Variants in ASIC2 observed in about 807,000 individuals in gnomAD.
ASIC2 encodes acid sensing ion channel subunit 2.
A neutral mutation model predicts 57.3 loss-of-function variants in ASIC2; 25 were observed. The ratio of observed to expected loss-of-function variants is 0.44; its 90% CI spans 0.32 to 0.61. The LOEUF (loss-of-function observed/expected upper bound fraction) is 0.61, where lower values mean the gene tolerates loss of function less well. Ranked by LOEUF, ASIC2 falls within the 20% of genes least tolerant of loss-of-function variation. ASIC2 has a pLI of 0.06. For missense variants in ASIC2, 641 were observed against 738.1 expected (o/e 0.87, Z 1.52); for synonymous variants, 319 against 307.5 (o/e 1.04, Z -0.39).
At chr17:33,140,891 C>T (rs576349110) in intron 1 of ASIC2, among the ~76,000 whole-genome samples, 13 of 152,350 alleles carry the variant, frequency 8.5e-5, no homozygotes, top group South Asian at 2.1e-4. Context: ...ACATTCCATC[C>T]GGGCCACAAG....
intron 1 of ASIC2, among the ~76,000 whole-genome samples, chr17:34,032,836 A>T (rs1301806908): frequency 3.3e-5 from 5 of 152,254 alleles, no homozygotes; most frequent in Non-Finnish European, 7.3e-5. Flanking sequence ...ATATGCGCCC[A>T]GTACAGGAGT....
chr17:33,296,350 C>T (rs1348639131), upstream of ASIC2, among the ~76,000 whole-genome samples: 1 of 152,114 alleles, frequency 6.6e-6, no homozygotes, highest in East Asian at 1.9e-4. Context: ...CTGTGTTCTC[C>T]AGCCCTAGTC....
intron 1 of ASIC2, among the ~76,000 whole-genome samples, chr17:33,271,465 C>T (rs1166978284): frequency 5.3e-5 from 8 of 152,128 alleles, no homozygotes; most frequent in East Asian, 1.9e-4. Flanking sequence ...ACATTGAATT[C>T]GCCTCCCACC....
intron 1 of ASIC2, among the ~76,000 whole-genome samples, chr17:33,374,551 C>T (rs559412269): frequency 6.6e-6 from 1 of 152,332 alleles, no homozygotes; most frequent in African/African-American, 2.4e-5. Flanking sequence ...TAATAACTCC[C>T]TGTCCTACAT....
At chr17:33,623,064 C>T (rs1019560074) in intron 1 of ASIC2, among the ~76,000 whole-genome samples, 1 of 152,118 alleles carries the variant, frequency 6.6e-6, no homozygotes, top group African/African-American at 2.4e-5. Flanking sequence ...TGATCCCTTA[C>T]AACAAGCCTG....
At chr17:33,855,342 A>G (rs1244067263) in intron 1 of ASIC2, among the ~76,000 whole-genome samples, 1 of 152,150 alleles carries the variant, frequency 6.6e-6, no homozygotes, top group Non-Finnish European at 1.5e-5. Flanking sequence ...ACAGAGTTGG[A>G]CGCAATTCTT....
chr17:33,711,975 C>G lies in ASIC2; in HGVS notation c.555+444003G>C, dbSNP rs1909050457. 2.0e-5 allele frequency among the ~76,000 whole-genome samples: 3 copies of G among 152,308 alleles called. No individual in the cohort carries two copies. In the South Asian group the frequency reaches 6.2e-4, roughly 32 times the overall value. On this transcript the variant is annotated intron_variant, in intron 1 of 9. Transcript: ENST00000359872. ...AGGTCCCTGGGGTGATAAATGACAG[C>G]TAATTTCATAAATGAGGCCTCCTGA... is the stretch of plus-strand genomic sequence containing the variant.
At chr17:33,431,345 G>A (rs951229786) in intron 1 of ASIC2, among the ~76,000 whole-genome samples, 2 of 152,120 alleles carry the variant, frequency 1.3e-5, no homozygotes, top group Non-Finnish European at 2.9e-5. Flanking sequence ...GGTGGCTCAC[G>A]CCTGTAATCC....
intron 1 of ASIC2, chr17:33,290,992 T>C (rs1271479071): frequency 5.9e-6 from 1 of 170,460 alleles, no homozygotes; most frequent in African/African-American, 2.4e-5. Flanking sequence ...AAGAGCCGTC[T>C]ATTGGTTTTC....
intron 1 of ASIC2, among the ~76,000 whole-genome samples, chr17:33,737,649 T>C (rs928571496): frequency 2.0e-5 from 3 of 152,268 alleles, no homozygotes; most frequent in Non-Finnish European, 4.4e-5. Context: ...AGCACCAATG[T>C]GTAAAATACC....
At chr17:34,149,439 C>A (rs1189372448) in intron 1 of ASIC2, among the ~76,000 whole-genome samples, 1 of 152,158 alleles carries the variant, frequency 6.6e-6, no homozygotes, top group East Asian at 1.9e-4. Context: ...CATCCCAATG[C>A]AGGTGGAATC....
At chr17:33,933,387 G>A (rs35090281) in intron 1 of ASIC2, among the ~76,000 whole-genome samples, 9,235 of 152,148 alleles carry the variant, frequency 0.061, 952 homozygotes, top group African/African-American at 0.21. Context: ...TTTATTCACC[G>A]CAGTGCCTGG....
intron 1 of ASIC2, chr17:34,070,204 G>T (rs933361271): frequency 6.6e-6 from 1 of 151,986 alleles, no homozygotes; most frequent in African/African-American, 2.4e-5. Flanking sequence ...AACAAGTTTT[G>T]CCTTCAAAGT....
chr17:33,828,023 C>T (rs1912992633), intron 1 of ASIC2: 1 of 152,158 alleles, frequency 6.6e-6, no homozygotes, highest in East Asian at 1.9e-4. Context: ...TGGTTTCCAG[C>T]TTCATCCATG....
At chr17:33,362,976 G>GA (rs1367955469) in intron 1 of ASIC2, among the ~76,000 whole-genome samples, 1 of 152,198 alleles carries the variant, frequency 6.6e-6, no homozygotes, top group Admixed American at 6.5e-5. Flanking sequence ...AGTCTGATAA[G>GA]AAAAATCCTC....
intron 1 of ASIC2, among the ~76,000 whole-genome samples, chr17:34,089,782 T>C (rs1211660195): frequency 6.6e-6 from 1 of 152,074 alleles, no homozygotes; most frequent in Admixed American, 6.5e-5. Flanking sequence ...CTTTCTCAGA[T>C]TCCTTGTGAC....
At chr17:33,898,148 T>C (rs555119170) in intron 1 of ASIC2, among the ~76,000 whole-genome samples, 1 of 151,982 alleles carries the variant, frequency 6.6e-6, no homozygotes, top group South Asian at 2.1e-4. Context: ...TCTTTCTTAT[T>C]TTTACTTTTT....
intron 1 of ASIC2, among the ~76,000 whole-genome samples, chr17:33,231,043 A>G (rs902805073): frequency 2.6e-5 from 4 of 152,206 alleles, no homozygotes; most frequent in African/African-American, 9.6e-5. Context: ...TAAGCTGCCC[A>G]GCTTTGGGAG....
At chr17:33,703,323 T>TTTTCTTC (rs549064244) in intron 1 of ASIC2, among the ~76,000 whole-genome samples, 5 of 142,372 alleles carry the variant, frequency 3.5e-5, no homozygotes, top group African/African-American at 1.4e-4. Context: ...TTCTTTTTCT[T>TTTTCTTC]TTTTTTTTTG....
Sources: allele counts gnomAD v4.1 joint callset (sites outside exome capture counted in the v4.1 genomes callset), GRCh38; gene constraint gnomAD v4.1.1; transcripts MANE v1.5; gene names NCBI Gene and HGNC (gene_info 2026-07-23, HGNC 2026-07-21).